Variants in STPG2 observed in about 807,000 individuals in gnomAD.
STPG2 encodes sperm tail PG-rich repeat containing 2.
Under a neutral mutation model 54.2 loss-of-function variants are expected in STPG2, and 56 were observed. The observed-to-expected ratio is 1.03, with a 90% CI of 0.83 to 1.29. The LOEUF is 1.29. Among genes scored for constraint, STPG2 ranks in the 50% most tolerant of loss-of-function variants. The pLI is 0.00. For synonymous variants in STPG2, 200 were observed against 181.8 expected (o/e 1.10, Z -0.81); for missense variants, 596 against 544.9 (o/e 1.09, Z -0.93).
At chr4:97,679,609 G>A (rs1722963640) in intron 10 of STPG2, among the ~76,000 whole-genome samples, 1 of 152,160 alleles carries the variant, frequency 6.6e-6, no homozygotes, top group South Asian at 2.1e-4. Flanking sequence ...TTCTTTTGCT[G>A]TGCAGAAGCT....
At chr4:98,091,049 C>T (rs998289873) in intron 5 of STPG2, among the ~76,000 whole-genome samples, 4 of 151,828 alleles carry the variant, frequency 2.6e-5, no homozygotes, top group Non-Finnish European at 5.9e-5. Context: ...CATCATTTAC[C>T]TAGTATTCTA....
intron 5 of STPG2, among the ~76,000 whole-genome samples, chr4:98,046,488 C>T (rs1737132730): frequency 6.6e-6 from 1 of 152,158 alleles, no homozygotes; most frequent in African/African-American, 2.4e-5. Context: ...ACCAATCAGC[C>T]TGGCCAGAGA....
At chr4:97,809,585 G>A (rs1727674246) in intron 9 of STPG2, among the ~76,000 whole-genome samples, 1 of 152,196 alleles carries the variant, frequency 6.6e-6, no homozygotes, top group Non-Finnish European at 1.5e-5. Flanking sequence ...GCTTGAGGAT[G>A]GAGGTAGCCA....
intron 5 of STPG2, among the ~76,000 whole-genome samples, chr4:97,998,361 C>T (rs969337574): frequency 2.0e-5 from 3 of 152,216 alleles, no homozygotes; most frequent in East Asian, 1.9e-4. Context: ...CCAGTTATTA[C>T]AGCCAACCCC....
At chr4:97,457,195 G>A (rs998236794) in intron 4 of STPG2, among the ~76,000 whole-genome samples, 4 of 152,190 alleles carry the variant, frequency 2.6e-5, no homozygotes, top group African/African-American at 9.7e-5. Context: ...TATTTTGGCA[G>A]TATTTTAACG....
At chr4:97,854,396 G>A (rs1729263197) in intron 8 of STPG2, among the ~76,000 whole-genome samples, 1 of 150,902 alleles carries the variant, frequency 6.6e-6, no homozygotes, top group Non-Finnish European at 1.5e-5. Context: ...GTTAAAATAT[G>A]TATAACACAA....
At chr4:97,717,891 G>C (rs775933031) in intron 9 of STPG2, among the ~76,000 whole-genome samples, 4 of 152,054 alleles carry the variant, frequency 2.6e-5, no homozygotes, top group African/African-American at 9.7e-5. Context: ...AGTTGTCTTC[G>C]AGGTAAACAG....
Position 97,972,385 on chromosome 4 carries a change from G to C in STPG2, c.828C>G (p.Ile276Met), listed in dbSNP as rs774870889. 1.9e-5 allele frequency: 30 copies of C among 1,607,202 alleles called. No individual in the cohort carries two copies. The highest frequency in any genetic ancestry group is 2.2e-5 in the Non-Finnish European group (26 of 1,175,712). Residue 276 changes from isoleucine (I) to methionine (M), a missense_variant, in exon 7 of 11, where the codon ATC becomes ATG. Coordinates refer to ENST00000295268, the MANE Select transcript of STPG2 (RefSeq NM_174952.3). Reference sequence around the variant, plus strand: ...CACTTTTCTTCTGTTTCTTTGAGCAGATATTTCTAACACTGGCAATTATAG... The same window carrying C: ...CACTTTTCTTCTGTTTCTTTGAGCACATATTTCTAACACTGGCAATTATAG... The part of the protein sequence containing the change: ...NNTIIASVRN[I>M]CSKKQKKSAF...
intron 5 of STPG2, among the ~76,000 whole-genome samples, chr4:98,067,853 A>G (rs549162055): frequency 6.6e-6 from 1 of 152,216 alleles, no homozygotes; most frequent in Middle Eastern, 3.4e-3. Flanking sequence ...ATAAAAAAGA[A>G]CCCTCTCATT....
chr4:97,750,909 C>T (rs1725562121), intron 9 of STPG2, among the ~76,000 whole-genome samples: 1 of 151,732 alleles, frequency 6.6e-6, no homozygotes, highest in African/African-American at 2.4e-5. Context: ...GTTACTTTCA[C>T]CATGTCTTTC....
chr4:98,136,461 T>C (rs532037531), intron 1 of STPG2, among the ~76,000 whole-genome samples: 2 of 151,778 alleles, frequency 1.3e-5, no homozygotes, highest in East Asian at 3.9e-4. Flanking sequence ...TAATAAAATG[T>C]TGAATATCTT....
chr4:97,496,280 T>C (rs925582318), intron 4 of STPG2, among the ~76,000 whole-genome samples: 64 of 151,876 alleles, frequency 4.2e-4, no homozygotes, highest in African/African-American at 1.4e-3. Context: ...TTATAAGTAC[T>C]TGCCTAGGTC....
chr4:98,104,249 A>G (rs1739127357), intron 5 of STPG2, among the ~76,000 whole-genome samples: 1 of 152,216 alleles, frequency 6.6e-6, no homozygotes, highest in Non-Finnish European at 1.5e-5. Flanking sequence ...AAGCCAAAAA[A>G]TTTGGAATTT....
chr4:97,599,842 A>G (rs1733411621), intron 10 of STPG2, among the ~76,000 whole-genome samples: 1 of 151,378 alleles, frequency 6.6e-6, no homozygotes, highest in South Asian at 2.1e-4. Context: ...AAAAAAGAAA[A>G]GAAAAGAAAA....
intron 3 of STPG2, among the ~76,000 whole-genome samples, chr4:98,127,251 A>G (rs1739857174): frequency 1.3e-5 from 2 of 152,182 alleles, no homozygotes; most frequent in Admixed American, 1.3e-4. Flanking sequence ...CCTGTGTTTT[A>G]TCTGTGTGAT....
intron 9 of STPG2, among the ~76,000 whole-genome samples, chr4:97,800,455 C>G (rs1317116725): frequency 6.6e-6 from 1 of 152,170 alleles, no homozygotes; most frequent in Non-Finnish European, 1.5e-5. Flanking sequence ...CACTCCAGAC[C>G]CTTTTTATCT....
chr4:98,089,306 C>T (rs1216590811), intron 5 of STPG2, among the ~76,000 whole-genome samples: 1 of 152,058 alleles, frequency 6.6e-6, no homozygotes, highest in African/African-American at 2.4e-5. Flanking sequence ...ATACAATATT[C>T]GATTTTCCAT....
intron 4 of STPG2, among the ~76,000 whole-genome samples, chr4:97,450,119 C>G (rs1729327175): frequency 6.6e-6 from 1 of 151,772 alleles, no homozygotes. Flanking sequence ...AACTATTGAA[C>G]TAAAGAGAAT....
intron 10 of STPG2, among the ~76,000 whole-genome samples, chr4:97,577,689 T>C (rs977137583): frequency 6.6e-6 from 1 of 152,172 alleles, no homozygotes; most frequent in Admixed American, 6.6e-5. Context: ...TCATACCATA[T>C]GTCATATAAC....
Sources: gnomAD v4.1 joint callset for allele counts (sites outside exome capture counted in the v4.1 genomes callset) on GRCh38, gnomAD v4.1.1 for gene constraint, MANE v1.5 for transcripts, NCBI Gene and HGNC (gene_info 2026-07-23, HGNC 2026-07-21) for gene names.